The following RAB3GAP2 variants were observed in gnomAD, a reference collection of about 807,000 sequenced individuals.
RAB3GAP2 encodes RAB3 GTPase activating non-catalytic protein subunit 2.
In RAB3GAP2, 87 loss-of-function variants were observed where a neutral mutation model predicts 185.3. That is an observed-to-expected ratio of 0.47 (90% CI 0.39 to 0.56). The LOEUF is 0.56. Among genes scored for constraint, RAB3GAP2 ranks in the 20% least tolerant of loss-of-function variants. The pLI, the probability that RAB3GAP2 is intolerant of heterozygous loss-of-function variation, is 0.00. For synonymous variants in RAB3GAP2, 554 were observed against 576.1 expected (o/e 0.96, Z 0.55); for missense variants, 1,492 against 1,638.2 (o/e 0.91, Z 1.54).
intron 2 of RAB3GAP2, among the ~76,000 whole-genome samples, chr1:220,214,961 T>TATATATATATATATATAA (rs1214143846): frequency 2.8e-5 from 4 of 143,064 alleles, no homozygotes; most frequent in African/African-American, 1.0e-4. Flanking sequence ...TATATATATA[T>TATATATATATATATATAA]ATATATATAT....
intron 27 of RAB3GAP2, among the ~76,000 whole-genome samples, chr1:220,163,401 C>G (rs1457352754): frequency 6.8e-6 from 1 of 147,924 alleles, no homozygotes; most frequent in East Asian, 2.0e-4. Context: ...GAGTCTCTCT[C>G]TCCCAGGCTG....
At chr1:220,255,125 T>G (rs1484152323) in intron 1 of RAB3GAP2, among the ~76,000 whole-genome samples, 1 of 152,028 alleles carries the variant, frequency 6.6e-6, no homozygotes, top group Non-Finnish European at 1.5e-5. Flanking sequence ...CAATGCACTG[T>G]GTAGCTAGTT....
rs543858337 is a variant in RAB3GAP2, at chr1:220,160,571, G to A, written c.3226-1150C>T. On this transcript the variant is annotated intron_variant, in intron 28 of 34. Coordinates refer to ENST00000358951, the MANE Select transcript of RAB3GAP2 (RefSeq NM_012414.4). ...TACTACTAGAAAATCCAAATTCACA[G>A]CCTGCACAGGAATGTCTTCATCTTA... Among the ~76,000 whole-genome samples, 4 of 152,272 alleles carry A rather than the reference G, an allele frequency of 2.6e-5. No homozygotes were observed. In the East Asian group the frequency reaches 7.7e-4, roughly 29 times the overall value.
In RAB3GAP2 at chr1:220,164,871, A is replaced by G; in HGVS notation, c.3088-72T>C. On this transcript the variant is annotated intron_variant, in intron 26 of 34. Coordinates refer to ENST00000358951, the MANE Select transcript of RAB3GAP2 (RefSeq NM_012414.4). ...TAATAGGTTTTACCATTATCAATGG[A>G]GACTTCTTACATAAATTTCTGCATA... 2.8e-6 allele frequency: 4 copies of G among 1,409,294 alleles called. No homozygotes were observed. The South Asian group carries it at 5.0e-5, about 18-fold the overall frequency. The allele number at this position is 1,409,294 out of a possible 1,614,324, so 87.3% of individuals were successfully genotyped here.
At chr1:220,253,463 G>C in intron 1 of RAB3GAP2, 1 of 1,492,082 alleles carries the variant, frequency 6.7e-7, no homozygotes, top group Non-Finnish European at 9.0e-7. Flanking sequence ...AGGATGTAGA[G>C]CTGGCAGTGC....
chr1:220,167,210 G>T, intron 26 of RAB3GAP2, 83 bp downstream of exon 26: 1 of 1,210,844 alleles, frequency 8.3e-7, no homozygotes, highest in Non-Finnish European at 1.2e-6. Context: ...TTTATAATAA[G>T]CTATTTAATT....
chr1:220,161,987 TTATAA>T (rs1474844987), intron 28 of RAB3GAP2, among the ~76,000 whole-genome samples: 1 of 152,214 alleles, frequency 6.6e-6, no homozygotes, highest in Non-Finnish European at 1.5e-5. Context: ...TAAGAGGCTT[TTATAA>T]TATATTAGTC....
chr1:220,200,611 T>A lies in RAB3GAP2; in HGVS notation c.811+1665A>T, dbSNP rs760264654. 3 of 528,722 alleles carry A rather than the reference T, an allele frequency of 5.7e-6. No homozygotes were observed. The East Asian group carries it at 1.6e-4, about 29-fold the overall frequency. 32.8% of individuals were successfully genotyped at this position (528,722 alleles called of 1,614,324 possible). On this transcript the variant is annotated intron_variant, in intron 9 of 34. Coordinates refer to ENST00000358951, the MANE Select transcript of RAB3GAP2 (RefSeq NM_012414.4). Reference sequence around the variant, plus strand: ...ATCCAATCATTTTCCCTAGCCAGTTTCAATGTTCCAAAGTTTAATTAACAG... The same window carrying A: ...ATCCAATCATTTTCCCTAGCCAGTTACAATGTTCCAAAGTTTAATTAACAG...
chr1:220,264,720 T>C (rs1297548025), intron 1 of RAB3GAP2, among the ~76,000 whole-genome samples: 1 of 152,104 alleles, frequency 6.6e-6, no homozygotes, highest in Non-Finnish European at 1.5e-5. Context: ...ACATCTGTTG[T>C]CTATTTTCTC....
intron 21 of RAB3GAP2, among the ~76,000 whole-genome samples, chr1:220,179,027 G>A (rs1488658686): frequency 1.3e-5 from 2 of 152,066 alleles, no homozygotes; most frequent in African/African-American, 4.8e-5. Context: ...TAGACTGAAA[G>A]TGAGGGAATG....
At position 220,158,850 on chromosome 1, in the gene RAB3GAP2, C is replaced by T. The variant is rs747700789; in HGVS notation, c.3261+536G>A. On this transcript the variant is annotated intron_variant, in intron 29 of 34. Coordinates refer to ENST00000358951, the MANE Select transcript of RAB3GAP2 (RefSeq NM_012414.4). This position sits in a 1 kb window ranked among gnomAD's most constrained non-coding sequence, Gnocchi z 4.3. ...ACACATGCATGCACACACACGTACACACTCTAGTCATACAACCATTCTCAA... is the reference window on the plus strand; with the variant it reads ...ACACATGCATGCACACACACGTACATACTCTAGTCATACAACCATTCTCAA... Among the ~76,000 whole-genome samples the T allele has an allele frequency of 1.3e-5, 2 of 152,148 alleles. No individual in the cohort carries two copies. Among genetic ancestry groups the T allele is most frequent in the Non-Finnish European group, 2.9e-5 (2 of 68,038 alleles).
intron 1 of RAB3GAP2, among the ~76,000 whole-genome samples, chr1:220,260,444 A>G (rs894430171): frequency 1.3e-5 from 2 of 152,216 alleles, no homozygotes; most frequent in African/African-American, 4.8e-5. Context: ...CGTCCTTTGC[A>G]GGGACATGGA....
At chr1:220,185,593 T>C in intron 18 of RAB3GAP2, 58 bp downstream of exon 18, 1 of 1,262,932 alleles carries the variant, frequency 7.9e-7, no homozygotes, top group Non-Finnish European at 1.2e-6. Context: ...CTTTCTATAA[T>C]CAGAGTTACA....
chr1:220,172,127 A>T lies in RAB3GAP2; in HGVS notation c.2417-78T>A, dbSNP rs1288079605. ...GGACTAACCATTTATGTTAAACATA[A>T]TGTTAAAACTAAGTTACCTACTGAT... On this transcript the variant is annotated intron_variant, in intron 22 of 34. Transcript: ENST00000358951. 5 of 1,432,886 alleles carry T rather than the reference A, an allele frequency of 3.5e-6. No individual in the cohort carries two copies. The Admixed American group carries it at 9.4e-5, about 27-fold the overall frequency. 88.8% of individuals were successfully genotyped at this position (1,432,886 alleles called of 1,614,324 possible). A position where few individuals can be genotyped will look rare whatever the true frequency, so the allele number is the denominator to read the frequency against.
chr1:220,232,951 C>T, intron 1 of RAB3GAP2, 88 bp from the exon 2 acceptor site: 2 of 1,043,266 alleles, frequency 1.9e-6, no homozygotes, highest in Non-Finnish European at 3.0e-6. Context: ...ATAGAACCAA[C>T]CCCTGTATAA....
Position 220,272,222 on chromosome 1 carries a change from C to G in RAB3GAP2, c.115+1G>C, listed in dbSNP as rs903011510. 6.2e-7 allele frequency: 1 copy of G among 1,602,172 alleles called. No homozygotes were observed. The highest frequency in any genetic ancestry group is 1.3e-5 in the African/African-American group (1 of 74,704). ...AAGGGCGAGGCCAGAGAGGCACTTA[C>G]TGGGGTCCCTCCGCAAGGCGCCGCT... On this transcript the variant is annotated splice_donor_variant, in intron 1 of 34. Transcript: ENST00000358951. LOFTEE classifies it high-confidence loss of function.
intron 22 of RAB3GAP2, among the ~76,000 whole-genome samples, 174 bp from the exon 23 acceptor site, chr1:220,172,223 A>T (rs1043776476): frequency 6.6e-6 from 1 of 152,192 alleles, no homozygotes; most frequent in Admixed American, 6.5e-5. Context: ...TATTCCATTT[A>T]TTTATGATCT....
rs780544232 is a variant in RAB3GAP2 at position 220,167,567 on chromosome 1, T to G, written c.2915A>C (p.Lys972Thr). The change falls in exon 25 of 35, where the codon AAA (lysine) becomes ACA (threonine). Residue 972 changes from lysine to threonine, a missense_variant. Coordinates refer to ENST00000358951, the MANE Select transcript of RAB3GAP2 (RefSeq NM_012414.4). ...AAGGAAACTTCTGTTAACACCTTCT[T>G]TGGGTTCATCTGGGTTTTCTGCATC... is the stretch of plus-strand genomic sequence containing the variant. ...ERDAENPDEP[K>T]EGVNRSFLEV... The G allele has an allele frequency of 1.2e-6, 2 of 1,614,206 alleles. No homozygotes were observed. The highest frequency in any genetic ancestry group is 1.7e-6 in the Non-Finnish European group (2 of 1,180,014).
At chr1:220,238,524 C>A (rs1424122670) in intron 1 of RAB3GAP2, among the ~76,000 whole-genome samples, 3 of 152,176 alleles carry the variant, frequency 2.0e-5, no homozygotes, top group African/African-American at 7.2e-5. Flanking sequence ...AAAAACTGCA[C>A]CTATCTCACA....
Sources: allele counts gnomAD v4.1 joint callset (sites outside exome capture counted in the v4.1 genomes callset), GRCh38; gene constraint gnomAD v4.1.1; non-coding constraint Gnocchi (gnomAD v3.1); transcripts MANE v1.5; gene names NCBI Gene and HGNC (gene_info 2026-07-23, HGNC 2026-07-21).